F8: variants seen among roughly 807,000 people sequenced by gnomAD.
F8 encodes the protein antihemophilic factor.
In F8, 12 loss-of-function variants were observed where a neutral mutation model predicts 140.6. The observed-to-expected ratio is 0.09, with a 90% CI of 0.05 to 0.14. The LOEUF is 0.14. Among genes scored for constraint, F8 ranks in the 10% least tolerant of loss-of-function variants. The probability of loss-of-function intolerance (pLI) is 1.00; values close to 1 mark genes in which losing one functional copy is unlikely to be tolerated. For missense variants in F8, 1,354 were observed against 1,720.7 expected (o/e 0.79, Z 3.77); for synonymous variants, 585 against 614.6 (o/e 0.95, Z 0.71).
At chrX:154,842,202 T>C (rs1224828885) in intron 25 of F8, among the ~76,000 whole-genome samples, 2 of 111,865 alleles carry the variant, frequency 1.8e-5, no homozygotes, top group African/African-American at 6.5e-5. Flanking sequence ...TTTATTGATG[T>C]CCAGTTTTTT....
intron 4 of F8, among the ~76,000 whole-genome samples, 162 bp downstream of exon 4, chrX:154,992,774 C>T (rs2073594979): frequency 8.9e-6 from 1 of 112,757 alleles, no homozygotes; most frequent in African/African-American, 3.2e-5. Context: ...TGCATATCTG[C>T]TTCTCTCAGA....
chrX:155,013,700 A>G (rs1337348384), intron 1 of F8, among the ~76,000 whole-genome samples: 1 of 111,937 alleles, frequency 8.9e-6, no homozygotes, highest in African/African-American at 3.3e-5. Context: ...GCCATAACAA[A>G]ATACTAGAGA....
At chrX:154,962,869 A>AAGAG (rs782347888) in intron 9 of F8, among the ~76,000 whole-genome samples, 14 of 100,840 alleles carry the variant, frequency 1.4e-4, no homozygotes. Context: ...ACCCTATCTC[A>AAGAG]AGAGAGAGAG....
At chrX:155,004,932 C>T (rs998121141) in intron 1 of F8, among the ~76,000 whole-genome samples, 5 of 111,439 alleles carry the variant, frequency 4.5e-5, no homozygotes, top group Middle Eastern at 9.2e-3. Context: ...CAATGGCCAT[C>T]GTTTAGTGGG....
At chrX:154,938,989 G>A (rs1176276839) in intron 13 of F8, among the ~76,000 whole-genome samples, 2 of 111,229 alleles carry the variant, frequency 1.8e-5, no homozygotes, top group Non-Finnish European at 3.8e-5. Context: ...AGCACAAAAG[G>A]TAGGAGTGAG....
intron 25 of F8, among the ~76,000 whole-genome samples, chrX:154,842,127 C>T (rs2072526707): frequency 9.0e-6 from 1 of 111,367 alleles, no homozygotes; most frequent in African/African-American, 3.3e-5. Context: ...CAAGAAAGAA[C>T]ATTTAATATT....
At chrX:154,885,919 G>T (rs1340076130) in intron 22 of F8, among the ~76,000 whole-genome samples, 1 of 44,539 alleles carries the variant, frequency 2.2e-5, no homozygotes, top group Non-Finnish European at 3.6e-5. Flanking sequence ...CCCGGTGCTT[G>T]GCAAGGGGCC....
chrX:154,842,307 T>C (rs965611872), intron 25 of F8, among the ~76,000 whole-genome samples: 1 of 111,591 alleles, frequency 9.0e-6, no homozygotes, highest in East Asian at 2.8e-4. Flanking sequence ...GTTTTCTTTA[T>C]TCTCTCTATT....
At chrX:154,939,566 C>T (rs1557279519) in intron 13 of F8, among the ~76,000 whole-genome samples, 1 of 112,961 alleles carries the variant, frequency 8.9e-6, no homozygotes, top group African/African-American at 3.2e-5. Flanking sequence ...GCCTGCCTGC[C>T]TCTGTAGGCT....
chrX:154,895,686 T>C (rs1257033272), intron 22 of F8, among the ~76,000 whole-genome samples: 1 of 111,753 alleles, frequency 8.9e-6, no homozygotes, highest in Non-Finnish European at 1.9e-5. Context: ...GTTTCACCCA[T>C]CCTTTTATGT....
intron 14 of F8, among the ~76,000 whole-genome samples, chrX:154,922,458 C>A (rs991600505): frequency 8.9e-6 from 1 of 112,115 alleles, no homozygotes; most frequent in Non-Finnish European, 1.9e-5. Flanking sequence ...TTGAACAATA[C>A]CTCCAAAGTT....
chrX:154,933,176 G>C (rs1167833127), intron 13 of F8, among the ~76,000 whole-genome samples: 2 of 111,371 alleles, frequency 1.8e-5, no homozygotes, highest in Non-Finnish European at 3.8e-5. Flanking sequence ...CAAGAACTTA[G>C]AGTTGGTTGT....
At chrX:154,878,086 A>G (rs1292975304) in intron 22 of F8, among the ~76,000 whole-genome samples, 2 of 111,749 alleles carry the variant, frequency 1.8e-5, no homozygotes, top group African/African-American at 6.5e-5. Context: ...AACTCATACT[A>G]TGAGGCCACC....
chrX:154,930,666 C>T lies in F8; in HGVS notation c.3124G>A (p.Glu1042Lys), dbSNP rs1557278698. ...TTTTGCCAGACTGATGGACTATTCT[C>T]AATTAATAATGATGGGCCATCAATG... ...THIDGPSLLIENSPSVWQNIL... is the reference protein window; with the variant it reads ...THIDGPSLLIKNSPSVWQNIL... The change falls in exon 14 of 26, where the codon GAG becomes AAG. Residue 1042 changes from glutamate to lysine, a missense_variant. Coordinates refer to ENST00000360256, the MANE Select transcript of F8 (RefSeq NM_000132.4). The T allele has an allele frequency of 1.7e-6, 2 of 1,209,422 alleles. No homozygotes were observed. Among genetic ancestry groups the T allele is most frequent in the South Asian group, 3.5e-5 (2 of 56,404 alleles).
At chrX:154,908,448 A>C (rs1201809478) in intron 14 of F8, among the ~76,000 whole-genome samples, 1 of 112,295 alleles carries the variant, frequency 8.9e-6, no homozygotes, top group Admixed American at 9.4e-5. Context: ...TTTCATATTA[A>C]TTTTAGAATC....
At chrX:154,848,940 T>C (rs1348000884) in intron 25 of F8, among the ~76,000 whole-genome samples, 1 of 111,660 alleles carries the variant, frequency 9.0e-6, no homozygotes, top group Non-Finnish European at 1.9e-5. Flanking sequence ...ACCCTTGTAA[T>C]TTTGCAATTT....
At chrX:155,005,111 C>T (rs1290051805) in intron 1 of F8, among the ~76,000 whole-genome samples, 1 of 111,268 alleles carries the variant, frequency 9.0e-6, no homozygotes. Context: ...AATATGTCCG[C>T]CAGTGGACAC....
At chrX:155,005,245 G>A (rs2073670193) in intron 1 of F8, among the ~76,000 whole-genome samples, 1 of 111,911 alleles carries the variant, frequency 8.9e-6, no homozygotes, top group African/African-American at 3.2e-5. Context: ...CTGATCATCA[G>A]GAGGAAGGGC....
intron 22 of F8, among the ~76,000 whole-genome samples, chrX:154,891,547 G>T (rs2072944048): frequency 8.9e-6 from 1 of 112,589 alleles, no homozygotes; most frequent in Non-Finnish European, 1.9e-5. Context: ...CAGGCATTGT[G>T]CTTGTGGGAT....
Sources: allele counts gnomAD v4.1 joint callset (sites outside exome capture counted in the v4.1 genomes callset), GRCh38; gene constraint gnomAD v4.1.1; transcripts MANE v1.5; gene names NCBI Gene and HGNC (gene_info 2026-07-23, HGNC 2026-07-21).